The following CGNL1 variants were observed in gnomAD, a reference collection of about 807,000 sequenced individuals.
CGNL1 encodes cingulin-like protein 1.
A neutral mutation model predicts 141.2 loss-of-function variants in CGNL1; 132 were observed. That is an observed-to-expected ratio of 0.93 (90% confidence interval 0.81 to 1.08). CGNL1 has a LOEUF of 1.08. Among genes scored for constraint, CGNL1 ranks in the 50% least tolerant of loss-of-function variants. The pLI is 0.00. For missense variants in CGNL1, 1,870 were observed against 1,588.6 expected (o/e 1.18, Z -3.01); for synonymous variants, 690 against 622.1 (o/e 1.11, Z -1.63).
chr15:57,491,877 C>A (rs1397082002), intron 8 of CGNL1, among the ~76,000 whole-genome samples: 1 of 152,146 alleles, frequency 6.6e-6, no homozygotes, highest in Non-Finnish European at 1.5e-5. Context: ...CTCCTTCCTG[C>A]AAACATACCT....
In CGNL1 at chr15:57,384,066, G is replaced by T. The variant is rs555547715; in HGVS notation, c.-16+7499G>T. Among the ~76,000 whole-genome samples, 188 of 150,268 alleles carry T rather than the reference G, an allele frequency of 1.3e-3. 1 individual carries two copies. Among genetic ancestry groups the T allele is most frequent in the African/African-American group, 4.4e-3 (179 of 40,830 alleles). ...TTGGGCCACCTATAAGCTTTGGGGA[G>T]TGGGGTGGGTGGGTTGGGAGGAGAA... On this transcript the variant is annotated intron_variant, in intron 1 of 18. Coordinates refer to ENST00000281282, the MANE Select transcript of CGNL1 (RefSeq NM_032866.5).
intron 16 of CGNL1, 118 bp downstream of exon 16, chr15:57,544,715 G>T (rs535238758): frequency 8.5e-7 from 1 of 1,180,052 alleles, no homozygotes; most frequent in Admixed American, 2.5e-5. Context: ...GGAAGGCAGA[G>T]CAACTACACC....
rs189342135 is a variant in CGNL1, at chr15:57,549,786, G to C, written c.*2296G>C. ...CACCTCTGTACTCAGCCCTCTGTCTGTCCTTCTGAGGACGCAACAAGCCTG... is the reference window on the plus strand; with the variant it reads ...CACCTCTGTACTCAGCCCTCTGTCTCTCCTTCTGAGGACGCAACAAGCCTG... On this transcript the variant is annotated 3_prime_UTR_variant, in exon 19 of 19. Coordinates refer to ENST00000281282, the MANE Select transcript of CGNL1 (RefSeq NM_032866.5). The C allele has an allele frequency of 2.5e-4, 38 of 152,302 alleles. No homozygotes were observed. Among genetic ancestry groups the C allele is most frequent in the African/African-American group, 9.1e-4 (38 of 41,564 alleles). The allele number at this position is 152,302 out of a possible 1,614,324, so 9.4% of individuals were successfully genotyped here.
At chr15:57,514,127 T>G (rs1376410415) in intron 8 of CGNL1, among the ~76,000 whole-genome samples, 1 of 151,480 alleles carries the variant, frequency 6.6e-6, no homozygotes, top group South Asian at 2.1e-4. Flanking sequence ...GGATTTTATA[T>G]ACTGTTCGGA....
At chr15:57,541,287 C>G (rs539722427) in intron 14 of CGNL1, among the ~76,000 whole-genome samples, 1 of 152,332 alleles carries the variant, frequency 6.6e-6, no homozygotes, top group East Asian at 1.9e-4. Flanking sequence ...TGGGCCCTGC[C>G]CTGGGCACAT....
intron 7 of CGNL1, among the ~76,000 whole-genome samples, chr15:57,456,259 G>A (rs781551451): frequency 6.6e-6 from 1 of 152,162 alleles, no homozygotes; most frequent in Admixed American, 6.5e-5. Flanking sequence ...TTAACACAAT[G>A]AGCATTAAAC....
chr15:57,390,458 G>C (rs2062530200), intron 1 of CGNL1, among the ~76,000 whole-genome samples: 1 of 152,226 alleles, frequency 6.6e-6, no homozygotes, highest in African/African-American at 2.4e-5. Context: ...CACATCAGCA[G>C]GGTGAGGAAG....
intron 8 of CGNL1, among the ~76,000 whole-genome samples, chr15:57,491,946 G>A (rs894958018): frequency 3.3e-5 from 5 of 152,142 alleles, no homozygotes; most frequent in Admixed American, 2.0e-4. Context: ...GAAAGTCTGA[G>A]GAGCTGTCAC....
intron 1 of CGNL1, among the ~76,000 whole-genome samples, chr15:57,417,378 C>T (rs549973988): frequency 4.6e-5 from 7 of 152,180 alleles, no homozygotes; most frequent in East Asian, 3.9e-4. Context: ...GGATTACAGG[C>T]GTGTGCCACC....
intron 10 of CGNL1, among the ~76,000 whole-genome samples, chr15:57,518,712 A>G (rs1473581710): frequency 6.6e-6 from 1 of 152,204 alleles, no homozygotes; most frequent in Admixed American, 6.5e-5. Flanking sequence ...GGTTGTCACA[A>G]CTGGAGAGAT....
At chr15:57,475,845 C>T (rs980277191) in intron 8 of CGNL1, among the ~76,000 whole-genome samples, 1 of 152,118 alleles carries the variant, frequency 6.6e-6, no homozygotes, top group Non-Finnish European at 1.5e-5. Context: ...CACCAGCCCC[C>T]GAGCTATGGT....
intron 8 of CGNL1, among the ~76,000 whole-genome samples, chr15:57,514,107 T>C (rs2030568844): frequency 6.6e-6 from 1 of 152,156 alleles, no homozygotes; most frequent in African/African-American, 2.4e-5. Flanking sequence ...TATGTTTTCA[T>C]ATGCATGTTG....
intron 9 of CGNL1, 122 bp from the exon 10 acceptor site, chr15:57,518,271 G>A (rs2030984293): frequency 2.9e-6 from 2 of 697,596 alleles, no homozygotes; most frequent in Admixed American, 2.4e-5. Flanking sequence ...TGTGACAGGT[G>A]CATTGTGACC....
At chr15:57,449,495 A>G (rs140268547) in intron 4 of CGNL1, among the ~76,000 whole-genome samples, 39 of 152,246 alleles carry the variant, frequency 2.6e-4, no homozygotes, top group African/African-American at 9.1e-4. Flanking sequence ...TACGCCCTCC[A>G]CCACTGTTAG....
chr15:57,521,565 G>T (rs188853818), intron 10 of CGNL1, among the ~76,000 whole-genome samples: 1 of 152,324 alleles, frequency 6.6e-6, no homozygotes, highest in East Asian at 1.9e-4. Context: ...CCTTGCAAAA[G>T]AGGCAAGCAT....
chr15:57,380,304 G>A (rs536237944), intron 1 of CGNL1, among the ~76,000 whole-genome samples: 4 of 152,266 alleles, frequency 2.6e-5, no homozygotes, highest in African/African-American at 7.2e-5. Context: ...AAAGTGCTCC[G>A]ATTACAGGCA....
At chr15:57,479,572 G>A (rs1242421363) in intron 8 of CGNL1, among the ~76,000 whole-genome samples, 1 of 152,226 alleles carries the variant, frequency 6.6e-6, no homozygotes, top group Non-Finnish European at 1.5e-5. Flanking sequence ...GCTGAGGCAG[G>A]AGAATCGCTT....
chr15:57,524,828 A>C, intron 12 of CGNL1, 77 bp downstream of exon 12: 1 of 1,421,734 alleles, frequency 7.0e-7, no homozygotes, highest in Non-Finnish European at 9.6e-7. Flanking sequence ...TCTGTGAGGG[A>C]CTTGGGGGTA....
intron 1 of CGNL1, among the ~76,000 whole-genome samples, chr15:57,385,974 G>A (rs1445224447): frequency 6.6e-6 from 1 of 152,194 alleles, no homozygotes; most frequent in Admixed American, 6.5e-5. Flanking sequence ...TAACATCTCT[G>A]ATCCAAGGGA....
Sources: gnomAD v4.1 joint callset for allele counts (sites outside exome capture counted in the v4.1 genomes callset) on GRCh38, gnomAD v4.1.1 for gene constraint, MANE v1.5 for transcripts, NCBI Gene and HGNC (gene_info 2026-07-23, HGNC 2026-07-21) for gene names.